The following PUS7 variants were observed in gnomAD, a reference collection of about 807,000 sequenced individuals.
PUS7 encodes the protein pseudouridylate synthase 7 homolog.
In PUS7, 48 loss-of-function variants were observed where a neutral mutation model predicts 79.8. The observed-to-expected ratio is 0.60, with a 90% CI of 0.48 to 0.76. PUS7 has a LOEUF of 0.76. PUS7 is among the 30% of genes least tolerant of loss of function. PUS7 has a pLI of 0.00. For missense variants in PUS7, 729 were observed against 797.6 expected (o/e 0.91, Z 1.04); for synonymous variants, 286 against 272.2 (o/e 1.05, Z -0.50).
chr7:105,508,928 C>A (rs1187062694), intron 1 of PUS7, among the ~76,000 whole-genome samples: 1 of 142,912 alleles, frequency 7.0e-6, no homozygotes, highest in Non-Finnish European at 1.5e-5. Flanking sequence ...CACCTGTAAT[C>A]CCAGCACTTT....
chr7:105,465,861 A>C (rs573070492), intron 12 of PUS7, among the ~76,000 whole-genome samples: 11 of 148,078 alleles, frequency 7.4e-5, no homozygotes, highest in African/African-American at 1.7e-4. Flanking sequence ...AAAAAGGAAA[A>C]AGAAATTAAG....
intron 6 of PUS7, among the ~76,000 whole-genome samples, chr7:105,492,314 T>C (rs1824819434): frequency 6.6e-6 from 1 of 151,274 alleles, no homozygotes; most frequent in South Asian, 2.1e-4. Context: ...AGGTAAATGA[T>C]GGCCAAATAA....
intron 1 of PUS7, among the ~76,000 whole-genome samples, chr7:105,519,175 A>G (rs147088550): frequency 6.6e-6 from 1 of 152,164 alleles, no homozygotes; most frequent in Non-Finnish European, 1.5e-5. Flanking sequence ...ATTATCAGTA[A>G]TCTCTATAGC....
rs1223851793 is a variant in PUS7, at chr7:105,469,302, T to A, written c.1399-839A>T. Among the ~76,000 whole-genome samples, 3 of 152,018 alleles carry A rather than the reference T, an allele frequency of 2.0e-5. No homozygotes were observed. In the East Asian group the frequency reaches 5.8e-4, roughly 29 times the overall value. ...TAATCTCTCATTTTTTTCTTTTTTA[T>A]TTTTTTGAGACAAGGTCTCACTCTG... is the stretch of plus-strand genomic sequence containing the variant. On this transcript the variant is annotated intron_variant, in intron 11 of 15. Coordinates refer to ENST00000469408, the MANE Select transcript of PUS7 (RefSeq NM_019042.5).
intron 9 of PUS7, among the ~76,000 whole-genome samples, chr7:105,474,542 G>T (rs780359729): frequency 6.6e-6 from 1 of 151,272 alleles, no homozygotes; most frequent in Non-Finnish European, 1.5e-5. Context: ...GCTGAGGCAC[G>T]CGAATCACAA....
chr7:105,458,315 CAGTGGTGT>C (rs1823271858), intron 15 of PUS7, among the ~76,000 whole-genome samples: 1 of 151,964 alleles, frequency 6.6e-6, no homozygotes, highest in Non-Finnish European at 1.5e-5. Context: ...GACTGGAGTG[CAGTGGTGT>C]AATCTCAGCT....
intron 6 of PUS7, among the ~76,000 whole-genome samples, chr7:105,492,510 T>A (rs1269820283): frequency 5.0e-5 from 7 of 138,926 alleles, no homozygotes; most frequent in African/African-American, 1.9e-4. Flanking sequence ...ATTTTTTTTT[T>A]TTTTTTTTTT....
At chr7:105,495,784 A>G (rs1483460440) in intron 5 of PUS7, among the ~76,000 whole-genome samples, 5 of 152,132 alleles carry the variant, frequency 3.3e-5, no homozygotes, top group African/African-American at 1.2e-4. Flanking sequence ...ATTAAAAAAA[A>G]GAACATAAAA....
intron 6 of PUS7, among the ~76,000 whole-genome samples, chr7:105,493,587 G>T (rs1824885279): frequency 6.6e-6 from 1 of 152,196 alleles, no homozygotes; most frequent in Non-Finnish European, 1.5e-5. Context: ...CTCAGAATGT[G>T]ACTGTATTTG....
chr7:105,481,212 T>A, intron 8 of PUS7, 35 bp from the exon 9 acceptor site: 1 of 1,587,752 alleles, frequency 6.3e-7, no homozygotes, highest in Non-Finnish European at 8.6e-7. Flanking sequence ...GGAAAAAAAG[T>A]TACAGTCAAA....
chr7:105,465,810 G>T (rs1461966478), intron 12 of PUS7, among the ~76,000 whole-genome samples: 1 of 151,840 alleles, frequency 6.6e-6, no homozygotes, highest in Non-Finnish European at 1.5e-5. Flanking sequence ...TCCAGCCTGG[G>T]TGACAAGAGT....
At chr7:105,492,592 G>A (rs1368020481) in intron 6 of PUS7, among the ~76,000 whole-genome samples, 6 of 139,588 alleles carry the variant, frequency 4.3e-5, no homozygotes, top group African/African-American at 1.4e-4. Flanking sequence ...TGCAAGCTCC[G>A]CCTCCCGGGT....
chr7:105,517,633 A>G (rs1185484188), intron 1 of PUS7, among the ~76,000 whole-genome samples: 1 of 152,188 alleles, frequency 6.6e-6, no homozygotes, highest in African/African-American at 2.4e-5. Context: ...TTAGCTGGGC[A>G]TGTGTGCATG....
intron 13 of PUS7, among the ~76,000 whole-genome samples, chr7:105,464,721 T>C (rs186858850): frequency 6.6e-6 from 1 of 152,202 alleles, no homozygotes; most frequent in East Asian, 1.9e-4. Flanking sequence ...TCTGCTGGCT[T>C]TCCCAGTTCT....
intron 5 of PUS7, among the ~76,000 whole-genome samples, chr7:105,500,416 GCTGCTTTGGC>G (rs1825199918): frequency 6.6e-6 from 1 of 152,156 alleles, no homozygotes; most frequent in Admixed American, 6.6e-5. Flanking sequence ...GGCTGTAATG[GCTGCTTTGGC>G]CTGCAAATGC....
Position 105,495,252 on chromosome 7 carries a change from A to G in PUS7, c.732T>C (p.Asn244=). 6.5e-7 allele frequency: 1 copy of G among 1,538,922 alleles called. No homozygotes were observed. The highest frequency in any genetic ancestry group is 1.4e-5 in the African/African-American group (1 of 73,286). The change falls in exon 6 of 16, where the codon AAT becomes AAC. Residue 244 remains asparagine (N), a splice_region_variant and synonymous_variant. Coordinates refer to ENST00000469408, the MANE Select transcript of PUS7 (RefSeq NM_019042.5). ...YHAAGKKALA[N]PRKHSWPKSR... ...ATTTTGGCCAAGAATGTTTTCTTGG[A>G]TCTTGAAAGCAAAAGAATTAACATT...
intron 7 of PUS7, among the ~76,000 whole-genome samples, chr7:105,486,528 A>T (rs1824555588): frequency 6.6e-6 from 1 of 152,182 alleles, no homozygotes; most frequent in Admixed American, 6.5e-5. Context: ...AGCACGAATT[A>T]ACCCAGGGAT....
chr7:105,489,833 T>C (rs901520710), intron 7 of PUS7, among the ~76,000 whole-genome samples: 11 of 152,012 alleles, frequency 7.2e-5, no homozygotes, highest in African/African-American at 2.7e-4. Context: ...AAAATAAATA[T>C]ATGGGCTGGG....
At chr7:105,481,820 T>C (rs1296773779) in intron 8 of PUS7, among the ~76,000 whole-genome samples, 4 of 151,568 alleles carry the variant, frequency 2.6e-5, no homozygotes, top group Non-Finnish European at 5.9e-5. Flanking sequence ...AAGTTCTGCC[T>C]CCTCGGTTCA....
Sources: allele counts gnomAD v4.1 joint callset (sites outside exome capture counted in the v4.1 genomes callset), GRCh38; gene constraint gnomAD v4.1.1; transcripts MANE v1.5; gene names NCBI Gene and HGNC (gene_info 2026-07-23, HGNC 2026-07-21).